The following ARRDC4 variants were observed in gnomAD, a reference collection of about 807,000 sequenced individuals.
ARRDC4 encodes the protein arrestin domain containing 4, also known as arrestin domain-containing protein 4.
A neutral mutation model predicts 44.6 loss-of-function variants in ARRDC4; 40 were observed. The observed-to-expected ratio is 0.90, with a 90% CI of 0.70 to 1.17. The LOEUF (loss-of-function observed/expected upper bound fraction) is 1.17. Ranked by LOEUF, ARRDC4 falls within the 50% of genes most tolerant of loss-of-function variation. The pLI, the probability that ARRDC4 is intolerant of heterozygous loss-of-function variation, is 0.00. For missense variants in ARRDC4, 550 were observed against 559.1 expected, an observed-to-expected ratio of 0.98 and a Z score of 0.16; for synonymous variants, 211 against 221.2, an observed-to-expected ratio of 0.95 and a Z score of 0.41.
In ARRDC4 at chr15:97,971,348, C is replaced by A. The variant is rs1031237298; in HGVS notation, c.*161C>A. The A allele has an allele frequency of 8.5e-6, 6 of 706,012 alleles. No individual in the cohort carries two copies. The highest frequency in any genetic ancestry group is 1.2e-5 in the Non-Finnish European group (5 of 425,668). The allele number at this position is 706,012 out of a possible 1,614,324, so 43.7% of individuals were successfully genotyped here. A position where few individuals can be genotyped will look rare whatever the true frequency, so the allele number is the denominator to read the frequency against. ...AAGAATGTGAGAAAGTTCTGGTGGG[C>A]CGGCAGGATTGCCGCACAAGTTTAT... On this transcript the variant is annotated 3_prime_UTR_variant, in exon 8 of 8. Coordinates refer to ENST00000268042, the MANE Select transcript of ARRDC4 (RefSeq NM_183376.3).
intron 1 of ARRDC4, among the ~76,000 whole-genome samples, chr15:97,963,025 G>C (rs1489905992): frequency 6.6e-6 from 1 of 152,186 alleles, no homozygotes; most frequent in Non-Finnish European, 1.5e-5. Flanking sequence ...AACTGTAGTA[G>C]AAAACAAGCC....
intron 1 of ARRDC4, among the ~76,000 whole-genome samples, chr15:97,962,632 C>A (rs1228743428): frequency 1.3e-5 from 2 of 152,130 alleles, no homozygotes; most frequent in Admixed American, 1.3e-4. Context: ...CACACACACA[C>A]ATATATACAC....
rs1448363911 is a variant in ARRDC4 at position 97,969,283 on chromosome 15, G to C, written c.786G>C (p.Gly262=). The C allele has an allele frequency of 6.2e-7, 1 of 1,613,920 alleles. No individual in the cohort carries two copies. Residue 262 remains glycine, a synonymous_variant, in exon 5 of 8, where the codon GGG becomes GGC. Coordinates refer to ENST00000268042, the MANE Select transcript of ARRDC4 (RefSeq NM_183376.3). ...ANVRGNHIAS[G]STDTWNGKTL... ...TGCGAGGAAACCACATCGCTTCTGG[G>C]AGCACAGACACATGGAATGGGAAAA...
chr15:97,966,580 T>A lies in ARRDC4; in HGVS notation c.522+538T>A, dbSNP rs2141534442. Among the ~76,000 whole-genome samples, 1 of 152,306 alleles carries A rather than the reference T, an allele frequency of 6.6e-6. No individual in the cohort carries two copies. The highest frequency in any genetic ancestry group is 2.4e-5 in the African/African-American group (1 of 41,564). The stretch of plus-strand genomic sequence containing the variant: ...GAGATCCTTTCACTTATCATTTCCT[T>A]ATGACAGATTTGGCCACATTAAAGC... On this transcript the variant is annotated intron_variant, in intron 3 of 7. Coordinates refer to ENST00000268042, the MANE Select transcript of ARRDC4 (RefSeq NM_183376.3). This position sits in a 1 kb window ranked among gnomAD's most constrained non-coding sequence, Gnocchi z 4.7.
chr15:97,961,016 T>C lies in ARRDC4; in HGVS notation c.155T>C (p.Leu52Pro), dbSNP rs1194854429. 3 of 1,438,290 alleles carry C rather than the reference T, an allele frequency of 2.1e-6. No individual in the cohort carries two copies. In the African/African-American group the frequency reaches 4.4e-5, roughly 21 times the overall value. The allele number at this position is 1,438,290 out of a possible 1,614,324, so 89.1% of individuals were successfully genotyped here. ...VLLEASEPVA[L>P]RALRLEAQGR... ...CTGGAGGCGTCCGAGCCGGTGGCCC[T>C]GCGCGCGCTGCGCCTGGAGGCCCAG... The change falls in exon 1 of 8, where the codon CTG becomes CCG. Residue 52 changes from leucine (L) to proline (P), a missense_variant. Transcript: ENST00000268042.
In ARRDC4 at chr15:97,971,261, G is replaced by C. The variant is rs1005910178; in HGVS notation, c.*74G>C. 4 of 1,373,266 alleles carry C rather than the reference G, an allele frequency of 2.9e-6. No homozygotes were observed. The South Asian group carries it at 3.5e-5, about 12-fold the overall frequency. The allele number at this position is 1,373,266 out of a possible 1,614,324, so 85.1% of individuals were successfully genotyped here. On this transcript the variant is annotated 3_prime_UTR_variant, in exon 8 of 8. Coordinates refer to ENST00000268042, the MANE Select transcript of ARRDC4 (RefSeq NM_183376.3). ...CTTTTCCTTCTGCCTTTTTGGGAAA[G>C]AGACAGGAAAGATTCACTTGAAAAC...
At position 97,968,976 on chromosome 15, in the gene ARRDC4, T is replaced by TAA; in HGVS notation, c.626-147_626-146insAA. The TAA allele has an allele frequency of 1.2e-6, 1 of 862,944 alleles. No homozygotes were observed. Among genetic ancestry groups the TAA allele is most frequent in the African/African-American group, 1.7e-5 (1 of 59,106 alleles). 53.5% of individuals were successfully genotyped at this position (862,944 alleles called of 1,614,324 possible). The stretch of plus-strand genomic sequence containing the variant: ...AACCTGCAGTGAATTTTTATTTCTC[T>TAA]GGCTTGAATTTACAATATGTTTTCC... On this transcript the variant is annotated intron_variant, in intron 4 of 7. Coordinates refer to ENST00000268042, the MANE Select transcript of ARRDC4 (RefSeq NM_183376.3). This position sits in a 1 kb window ranked among gnomAD's most constrained non-coding sequence, Gnocchi z 5.4.
At position 97,971,520 on chromosome 15, in the gene ARRDC4, C is replaced by T. The variant is rs1322258580; in HGVS notation, c.*333C>T. The T allele has an allele frequency of 3.4e-6, 1 of 296,428 alleles. No homozygotes were observed. The highest frequency in any genetic ancestry group is 6.4e-6 in the Non-Finnish European group (1 of 155,704). 18.4% of individuals were successfully genotyped at this position (296,428 alleles called of 1,614,324 possible). A position where few individuals can be genotyped will look rare whatever the true frequency, so the allele number is the denominator to read the frequency against. On this transcript the variant is annotated 3_prime_UTR_variant, in exon 8 of 8. Coordinates refer to ENST00000268042, the MANE Select transcript of ARRDC4 (RefSeq NM_183376.3). ...AAGGAATCTGTAAACAGTGGAAACA[C>T]TGTGGGAGTTTCCCATGGTGAAGAG...
chr15:97,968,006 T>A lies in ARRDC4; in HGVS notation c.523-8T>A. 1 of 1,571,736 alleles carries A rather than the reference T, an allele frequency of 6.4e-7. No individual in the cohort carries two copies. The highest frequency in any genetic ancestry group is 8.6e-7 in the Non-Finnish European group (1 of 1,157,642). ...ATTAAGGTTGTTTTATTGTTTGAAATTTTCAAGACCCCTGTATTGAAAACT... is the reference window on the plus strand; with the variant it reads ...ATTAAGGTTGTTTTATTGTTTGAAAATTTCAAGACCCCTGTATTGAAAACT... On this transcript the variant is annotated splice_region_variant and splice_polypyrimidine_tract_variant and intron_variant, in intron 3 of 7. Transcript: ENST00000268042. The surrounding 1 kb of genome is among the most constrained non-coding windows in gnomAD (Gnocchi z 5.4).
At chr15:97,962,180 AATAGAAT>A (rs1285576576) in intron 1 of ARRDC4, among the ~76,000 whole-genome samples, 1 of 152,188 alleles carries the variant, frequency 6.6e-6, no homozygotes, top group African/African-American at 2.4e-5. Context: ...TACAAAATAT[AATAGAAT>A]ATGTGGTTTT....
chr15:97,969,000 C>T lies in ARRDC4; in HGVS notation c.626-123C>T. On this transcript the variant is annotated intron_variant, in intron 4 of 7. Coordinates refer to ENST00000268042, the MANE Select transcript of ARRDC4 (RefSeq NM_183376.3). The surrounding 1 kb of genome is among the most constrained non-coding windows in gnomAD (Gnocchi z 5.4). ...CTGGCTTGAATTTACAATATGTTTT[C>T]CATCAAAGCTTCTCAATTTGTTAAA... 1 of 1,012,434 alleles carries T rather than the reference C, an allele frequency of 9.9e-7. No homozygotes were observed. The highest frequency in any genetic ancestry group is 1.7e-5 in the South Asian group (1 of 59,426). 62.7% of individuals were successfully genotyped at this position (1,012,434 alleles called of 1,614,324 possible). A position where few individuals can be genotyped will look rare whatever the true frequency, so the allele number is the denominator to read the frequency against.
At position 97,968,072 on chromosome 15, in the gene ARRDC4, C is replaced by G; in HGVS notation, c.581C>G (p.Pro194Arg). The change falls in exon 4 of 8, where the codon CCA (proline) becomes CGA (arginine). Residue 194 changes from proline to arginine, a missense_variant. Transcript: ENST00000268042. This position sits in a 1 kb window ranked among gnomAD's most constrained non-coding sequence, Gnocchi z 5.4. ...GGCTGTTGGTTTTTCACTTCTGGTC[C>G]AGTCTCGCTGAGTGCCAAAATTGAA... ...MVGCWFFTSG[P>R]VSLSAKIERK... 6.2e-7 allele frequency: 1 copy of G among 1,603,042 alleles called. No homozygotes were observed. Among genetic ancestry groups the G allele is most frequent in the Non-Finnish European group, 8.5e-7 (1 of 1,174,578 alleles).
Position 97,969,869 on chromosome 15 carries a change from T to C in ARRDC4, c.883-14T>C. The C allele has an allele frequency of 1.3e-6, 2 of 1,535,934 alleles. No individual in the cohort carries two copies. Among genetic ancestry groups the C allele is most frequent in the African/African-American group, 1.4e-5 (1 of 71,802 alleles). ...TTGTTCCTTTCTCTTTTTTTTTTTTTTTTGGCTTATTAGGTATACATTCAC... is the reference window on the plus strand; with the variant it reads ...TTGTTCCTTTCTCTTTTTTTTTTTTCTTTGGCTTATTAGGTATACATTCAC... On this transcript the variant is annotated splice_polypyrimidine_tract_variant and intron_variant, in intron 5 of 7. Transcript: ENST00000268042.
Position 97,967,927 on chromosome 15 carries a change from A to C in ARRDC4, c.523-87A>C. 3 of 822,920 alleles carry C rather than the reference A, an allele frequency of 3.6e-6. No individual in the cohort carries two copies. The highest frequency in any genetic ancestry group is 5.5e-6 in the Non-Finnish European group (3 of 541,430). The allele number at this position is 822,920 out of a possible 1,614,324, so 51.0% of individuals were successfully genotyped here. Reference sequence around the variant, plus strand: ...ATTTTTTTGGTATTTCCTTACAACCATTCTGTGAAGATAGATATAATTTTA... The same window carrying C: ...ATTTTTTTGGTATTTCCTTACAACCCTTCTGTGAAGATAGATATAATTTTA... On this transcript the variant is annotated intron_variant, in intron 3 of 7. Coordinates refer to ENST00000268042, the MANE Select transcript of ARRDC4 (RefSeq NM_183376.3). This position sits in a 1 kb window ranked among gnomAD's most constrained non-coding sequence, Gnocchi z 5.0.
In ARRDC4 at chr15:97,960,821, C is replaced by T; in HGVS notation, c.-41C>T. ...CTGTGCTCGCGACCCCGGCTCCGGGCCTCTGCCGACCTCAGGGGCAGGAAA... is the reference window on the plus strand; with the variant it reads ...CTGTGCTCGCGACCCCGGCTCCGGGTCTCTGCCGACCTCAGGGGCAGGAAA... On this transcript the variant is annotated 5_prime_UTR_variant, in exon 1 of 8. Coordinates refer to ENST00000268042, the MANE Select transcript of ARRDC4 (RefSeq NM_183376.3). 2 of 1,270,198 alleles carry T rather than the reference C, an allele frequency of 1.6e-6. No individual in the cohort carries two copies. Among genetic ancestry groups the T allele is most frequent in the South Asian group, 2.8e-5 (1 of 35,546 alleles). 78.7% of individuals were successfully genotyped at this position (1,270,198 alleles called of 1,614,324 possible). A position where few individuals can be genotyped will look rare whatever the true frequency, so the allele number is the denominator to read the frequency against.
In ARRDC4 at chr15:97,968,017, C is replaced by T. The variant is rs77718877; in HGVS notation, c.526C>T (p.Pro176Ser). The stretch of plus-strand genomic sequence containing the variant: ...TTTATTGTTTGAAATTTTCAAGACC[C>T]CTGTATTGAAAACTCAAGAGAAAAT... ...VDVNTPALLTPVLKTQEKMVG... is the reference protein window; with the variant it reads ...VDVNTPALLTSVLKTQEKMVG... Residue 176 changes from proline to serine, a missense_variant, in exon 4 of 8, where the codon CCT (proline) becomes TCT (serine). Physicochemically the swap from Pro to Ser is moderately conservative, Grantham distance 74 (BLOSUM62 -1). Coordinates refer to ENST00000268042, the MANE Select transcript of ARRDC4 (RefSeq NM_183376.3). This position sits in a 1 kb window ranked among gnomAD's most constrained non-coding sequence, Gnocchi z 5.4. The T allele has an allele frequency of 3.1e-6, 5 of 1,588,152 alleles. No homozygotes were observed. Among genetic ancestry groups the T allele is most frequent in the African/African-American group, 2.7e-5 (2 of 73,514 alleles).
In ARRDC4 at chr15:97,970,767, G is replaced by T; in HGVS notation, c.1200+24G>T. 6.3e-7 allele frequency: 1 copy of T among 1,596,156 alleles called. No individual in the cohort carries two copies. The highest frequency in any genetic ancestry group is 8.6e-7 in the Non-Finnish European group (1 of 1,169,062). On this transcript the variant is annotated intron_variant, in intron 7 of 7. Coordinates refer to ENST00000268042, the MANE Select transcript of ARRDC4 (RefSeq NM_183376.3). The surrounding 1 kb of genome is among the most constrained non-coding windows in gnomAD (Gnocchi z 4.2). ...AGGTAAGCAAAGCAAAAGAAAATTA[G>T]ACTTTTACTGTATTATTTTCAAATA...
chr15:97,971,999 G>A lies in ARRDC4; in HGVS notation c.*812G>A, dbSNP rs1596306384. The A allele has an allele frequency of 6.6e-6, 1 of 152,588 alleles. No individual in the cohort carries two copies. The highest frequency in any genetic ancestry group is 2.4e-5 in the African/African-American group (1 of 41,444). The allele number at this position is 152,588 out of a possible 1,614,324, so 9.5% of individuals were successfully genotyped here. On this transcript the variant is annotated 3_prime_UTR_variant, in exon 8 of 8. Coordinates refer to ENST00000268042, the MANE Select transcript of ARRDC4 (RefSeq NM_183376.3). ...TTTACCTAGGAGCATGTAAGAGAAA[G>A]AAGGGAGAGAAAAGGTTGCATCTGC...
In ARRDC4 at chr15:97,965,384, G is replaced by A. The variant is rs577192700; in HGVS notation, c.308-216G>A. Among the ~76,000 whole-genome samples, 1 of 151,858 alleles carries A rather than the reference G, an allele frequency of 6.6e-6. No homozygotes were observed. Among genetic ancestry groups the A allele is most frequent in the Non-Finnish European group, 1.5e-5 (1 of 67,984 alleles). On this transcript the variant is annotated intron_variant, in intron 1 of 7. Transcript: ENST00000268042. This position sits in a 1 kb window ranked among gnomAD's most constrained non-coding sequence, Gnocchi z 5.1. ...AGGAGTTCAAGGCCGTAGCACTCTG[G>A]CCTGGGCAATAGAGCGAGACCCTGT...
Sources: gnomAD v4.1 joint callset for allele counts (sites outside exome capture counted in the v4.1 genomes callset) on GRCh38, gnomAD v4.1.1 for gene constraint, Gnocchi (gnomAD v3.1) non-coding constraint, MANE v1.5 for transcripts, NCBI Gene and HGNC (gene_info 2026-07-23, HGNC 2026-07-21) for gene names.